Variants in KAZN observed in about 807,000 individuals in gnomAD.
KAZN encodes the protein kazrin, periplakin interacting protein.
KAZN carries 40 observed loss-of-function variants against 87.4 expected under a neutral mutation model. That is an observed-to-expected ratio of 0.46 (90% CI 0.36 to 0.60). The LOEUF (loss-of-function observed/expected upper bound fraction) is 0.60, where lower values mean the gene tolerates loss of function less well. Ranked by LOEUF, KAZN falls within the 20% of genes least tolerant of loss-of-function variation. The pLI is 0.00. For synonymous variants in KAZN, 466 were observed against 458.3 expected, an observed-to-expected ratio of 1.02 and a Z score of -0.22; for missense variants, 898 against 1,073.9, an observed-to-expected ratio of 0.84 and a Z score of 2.29.
chr1:14,550,624 T>C (rs952593519), intron 2 of KAZN, among the ~76,000 whole-genome samples: 1 of 151,878 alleles, frequency 6.6e-6, no homozygotes, highest in African/African-American at 2.4e-5. Flanking sequence ...TAGGGAAATT[T>C]TGGATTTTTT....
At chr1:14,009,146 T>G (rs1206683751) in intron 1 of KAZN, among the ~76,000 whole-genome samples, 1 of 152,246 alleles carries the variant, frequency 6.6e-6, no homozygotes, top group Admixed American at 6.5e-5. Flanking sequence ...AGAATTTGCT[T>G]CCTTTCTAAG....
intron 8 of KAZN, among the ~76,000 whole-genome samples, chr1:15,087,288 A>G (rs932178401): frequency 6.6e-6 from 1 of 152,154 alleles, no homozygotes; most frequent in African/African-American, 2.4e-5. Flanking sequence ...TATACCCAAA[A>G]TATGATCAAT....
intron 1 of KAZN, among the ~76,000 whole-genome samples, chr1:14,034,417 A>G (rs1389928634): frequency 6.6e-6 from 1 of 152,104 alleles, no homozygotes; most frequent in Non-Finnish European, 1.5e-5. Flanking sequence ...TCATTAAGGG[A>G]AGTGATTTCT....
Position 14,409,518 on chromosome 1 carries a change from A to G in KAZN, c.250-189465A>G, listed in dbSNP as rs149807305. Among the ~76,000 whole-genome samples, 768 of 152,304 alleles carry G rather than the reference A, an allele frequency of 5.0e-3. 9 individuals are homozygous for G. Among genetic ancestry groups the G allele is most frequent in the African/African-American group, 0.017 (721 of 41,560 alleles). ...CTTGATCTCACATAAGCTCAAATTT[A>G]TATTACCCACACTACCCCAGAAGCC... On this transcript the variant is annotated intron_variant, in intron 2 of 16. Coordinates refer to the KAZN transcript ENST00000636203.
chr1:14,417,585 A>C (rs926466487), intron 2 of KAZN, among the ~76,000 whole-genome samples: 1 of 152,196 alleles, frequency 6.6e-6, no homozygotes, highest in African/African-American at 2.4e-5. Flanking sequence ...GGTTGGAGTC[A>C]AACCAGAGAA....
intron 2 of KAZN, among the ~76,000 whole-genome samples, chr1:14,353,937 T>C (rs978466893): frequency 2.6e-5 from 4 of 152,160 alleles, no homozygotes; most frequent in African/African-American, 9.7e-5. Flanking sequence ...TTCTAAAATG[T>C]ACTTGGAAAT....
chr1:14,911,954 C>T (rs370484454), intron 1 of KAZN, among the ~76,000 whole-genome samples: 1 of 151,984 alleles, frequency 6.6e-6, no homozygotes, highest in South Asian at 2.1e-4. Context: ...GAGTTTGAGA[C>T]CAGCCTGTCC....
In KAZN at chr1:15,080,391, G is replaced by A. The variant is rs142665347; in HGVS notation, c.1223-13789G>A. Among the ~76,000 whole-genome samples, 1,432 of 152,228 alleles carry A rather than the reference G, an allele frequency of 9.4e-3. 22 individuals are homozygous for A. The highest frequency in any genetic ancestry group is 0.031 in the Middle Eastern group (9 of 294). Reference sequence around the variant, plus strand: ...AAGGGTGAGCCTGGCCCTGGGGTCAGGGGTGGTGCAGGTTGGTGGCAGGGC... The same window carrying A: ...AAGGGTGAGCCTGGCCCTGGGGTCAAGGGTGGTGCAGGTTGGTGGCAGGGC... On this transcript the variant is annotated intron_variant, in intron 8 of 14. Coordinates refer to ENST00000376030, the MANE Select transcript of KAZN (RefSeq NM_201628.3).
chr1:14,197,568 A>C (rs940540242), intron 2 of KAZN, among the ~76,000 whole-genome samples: 1 of 151,928 alleles, frequency 6.6e-6, no homozygotes, highest in East Asian at 1.9e-4. Context: ...CGTGCCTGTA[A>C]TCCCAGCTAC....
At chr1:13,945,393 G>T (rs1297677857) in intron 1 of KAZN, among the ~76,000 whole-genome samples, 2 of 151,154 alleles carry the variant, frequency 1.3e-5, no homozygotes, top group African/African-American at 4.9e-5. Flanking sequence ...AGAATCACTT[G>T]AACCTGGGAG....
intron 2 of KAZN, among the ~76,000 whole-genome samples, chr1:14,380,026 G>GA (rs1369415157): frequency 2.6e-5 from 4 of 152,224 alleles, no homozygotes; most frequent in Non-Finnish European, 4.4e-5. Context: ...GCTCAGAACA[G>GA]AGAGACTCCA....
intron 1 of KAZN, among the ~76,000 whole-genome samples, chr1:13,914,694 A>G (rs1639778410): frequency 6.6e-6 from 1 of 152,206 alleles, no homozygotes; most frequent in Non-Finnish European, 1.5e-5. Context: ...TATGCTAAAT[A>G]TGGCTGGGTG....
At chr1:14,275,444 C>CTGTGTG (rs60684981) in intron 2 of KAZN, among the ~76,000 whole-genome samples, 15,067 of 136,764 alleles carry the variant, frequency 0.11, 842 homozygotes, top group African/African-American at 0.12. Flanking sequence ...GTGGTAAATA[C>CTGTGTG]TGTGTGTGTG....
chr1:14,086,841 T>C (rs1643869946), intron 1 of KAZN, among the ~76,000 whole-genome samples: 1 of 152,220 alleles, frequency 6.6e-6, no homozygotes, highest in East Asian at 1.9e-4. Context: ...GACATCTTTG[T>C]TGAAATTTAA....
At chr1:14,418,954 T>C (rs1460871148) in intron 2 of KAZN, among the ~76,000 whole-genome samples, 2 of 152,208 alleles carry the variant, frequency 1.3e-5, no homozygotes, top group East Asian at 1.9e-4. Flanking sequence ...CCAGAAACTG[T>C]CCCCCTGTGA....
chr1:14,170,426 A>C (rs1645928775), intron 1 of KAZN, among the ~76,000 whole-genome samples: 1 of 152,154 alleles, frequency 6.6e-6, no homozygotes. Context: ...CAGAAGACAA[A>C]TCCCAGTGGT....
intron 1 of KAZN, among the ~76,000 whole-genome samples, chr1:13,908,647 G>A (rs1639534332): frequency 6.6e-6 from 1 of 152,234 alleles, no homozygotes; most frequent in Non-Finnish European, 1.5e-5. Context: ...ATTGATCACT[G>A]ATAAACGAAC....
rs559076234 is a variant in KAZN at position 14,292,004 on chromosome 1, A to G, written c.249+111412A>G. On this transcript the variant is annotated intron_variant, in intron 2 of 16. Transcript: ENST00000636203. ...AACCTCTTTTCTTTATAAATTACCC[A>G]GTCTCGGGTATTTCTTCATAGCAGC... Among the ~76,000 whole-genome samples, 56 of 152,218 alleles carry G rather than the reference A, an allele frequency of 3.7e-4. 2 individuals carry two copies. In the South Asian group the frequency reaches 0.011, roughly 29 times the overall value.
At chr1:14,210,727 T>C (rs916063331) in intron 2 of KAZN, among the ~76,000 whole-genome samples, 4 of 152,018 alleles carry the variant, frequency 2.6e-5, no homozygotes, top group Non-Finnish European at 5.9e-5. Context: ...ACAATAATAA[T>C]AAACCCATTT....
Sources: allele counts gnomAD v4.1 joint callset (sites outside exome capture counted in the v4.1 genomes callset), GRCh38; gene constraint gnomAD v4.1.1; transcripts MANE v1.5; gene names NCBI Gene and HGNC (gene_info 2026-07-23, HGNC 2026-07-21).